The following DPP10 variants were observed in gnomAD, a reference collection of about 807,000 sequenced individuals.
The protein encoded by DPP10 is dipeptidyl peptidase like 10.
In DPP10, 33 loss-of-function variants were observed where a neutral mutation model predicts 120.9. The observed-to-expected ratio is 0.27, with a 90% CI of 0.21 to 0.37. The LOEUF (loss-of-function observed/expected upper bound fraction) is 0.37. Among genes scored for constraint, DPP10 ranks in the 10% least tolerant of loss-of-function variants. DPP10 has a pLI of 1.00. For synonymous variants in DPP10, 337 were observed against 326.1 expected (o/e 1.03, Z -0.36); for missense variants, 816 against 942.8 (o/e 0.87, Z 1.76).
At chr2:115,154,326 A>G (rs1453130790) in intron 1 of DPP10, among the ~76,000 whole-genome samples, 1 of 152,200 alleles carries the variant, frequency 6.6e-6, no homozygotes, top group Non-Finnish European at 1.5e-5. Flanking sequence ...GTACTTCATA[A>G]CACGTAGTAC....
At chr2:114,852,810 T>C (rs926064531) in intron 1 of DPP10, among the ~76,000 whole-genome samples, 5 of 152,166 alleles carry the variant, frequency 3.3e-5, no homozygotes, top group Admixed American at 3.3e-4. Context: ...CACAGACATA[T>C]TTATTTAATT....
chr2:115,182,768 C>G (rs537888283), intron 1 of DPP10, among the ~76,000 whole-genome samples: 1 of 152,198 alleles, frequency 6.6e-6, no homozygotes, highest in Non-Finnish European at 1.5e-5. Flanking sequence ...AGATACCTCC[C>G]TAACCTGAGT....
intron 1 of DPP10, among the ~76,000 whole-genome samples, chr2:115,240,992 C>T (rs551500572): frequency 2.6e-5 from 4 of 152,172 alleles, no homozygotes; most frequent in South Asian, 4.2e-4. Context: ...TAGTGTTGGT[C>T]GGGCGCAGTG....
chr2:114,764,118 A>G (rs1452500125), intron 1 of DPP10, among the ~76,000 whole-genome samples: 1 of 152,218 alleles, frequency 6.6e-6, no homozygotes, highest in African/African-American at 2.4e-5. Context: ...AATAGTTACT[A>G]GGAAGTCTTC....
At chr2:114,952,131 C>G (rs1326202984) in intron 1 of DPP10, among the ~76,000 whole-genome samples, 1 of 151,824 alleles carries the variant, frequency 6.6e-6, no homozygotes, top group East Asian at 1.9e-4. Flanking sequence ...ATTAAAATCT[C>G]AGAAGATACT....
At chr2:115,155,066 T>A (rs756375315) in intron 1 of DPP10, among the ~76,000 whole-genome samples, 107 of 148,998 alleles carry the variant, frequency 7.2e-4, no homozygotes, top group Middle Eastern at 7.0e-3. Context: ...TAATTTTATT[T>A]ATTTTTTTTT....
At chr2:115,316,328 T>A (rs187432995) in intron 2 of DPP10, among the ~76,000 whole-genome samples, 2,782 of 152,274 alleles carry the variant, frequency 0.018, 29 homozygotes, top group African/African-American at 0.039. Context: ...CCTTGTAATA[T>A]AAGTTAAGAC....
chr2:115,692,219 TTTTAG>T (rs990343239), intron 7 of DPP10, among the ~76,000 whole-genome samples: 2 of 152,120 alleles, frequency 1.3e-5, no homozygotes, highest in East Asian at 1.9e-4. Flanking sequence ...ACAATTTTTT[TTTTAG>T]TTAGTTTTAG....
intron 1 of DPP10, among the ~76,000 whole-genome samples, chr2:115,192,526 G>C (rs1303240257): frequency 6.6e-6 from 1 of 152,216 alleles, no homozygotes; most frequent in African/African-American, 2.4e-5. Flanking sequence ...AAGGGGTTTG[G>C]ATAACATTTC....
intron 1 of DPP10, among the ~76,000 whole-genome samples, chr2:114,882,042 A>T (rs1465268853): frequency 6.6e-6 from 1 of 152,152 alleles, no homozygotes; most frequent in Non-Finnish European, 1.5e-5. Flanking sequence ...TGTTTGTTTT[A>T]AAAAGTGTAT....
chr2:115,791,416 C>A, intron 19 of DPP10, 60 bp downstream of exon 19: 1 of 1,403,150 alleles, frequency 7.1e-7, no homozygotes, highest in South Asian at 1.3e-5. Flanking sequence ...TTTTGTGTCT[C>A]ACATGACAAC....
chr2:114,886,191 T>C (rs1356813173), intron 1 of DPP10, among the ~76,000 whole-genome samples: 1 of 152,180 alleles, frequency 6.6e-6, no homozygotes, highest in Non-Finnish European at 1.5e-5. Context: ...TAAGAAAATA[T>C]GCAGAAAACA....
chr2:114,522,821 G>A (rs1244962045), intron 1 of DPP10, among the ~76,000 whole-genome samples: 2 of 152,160 alleles, frequency 1.3e-5, no homozygotes, highest in Non-Finnish European at 2.9e-5. Context: ...TACATGGATG[G>A]CAGCAGGCAA....
intron 1 of DPP10, among the ~76,000 whole-genome samples, chr2:114,769,706 T>C (rs971812649): frequency 3.3e-5 from 5 of 152,164 alleles, no homozygotes; most frequent in African/African-American, 1.2e-4. Context: ...TAAATACCTA[T>C]GTAAAAGAAC....
chr2:115,664,916 A>T (rs1204482681), intron 5 of DPP10, among the ~76,000 whole-genome samples: 1 of 131,434 alleles, frequency 7.6e-6, no homozygotes, highest in Non-Finnish European at 1.8e-5. Flanking sequence ...AAAATTATAT[A>T]TTCAGTCTGT....
chr2:115,246,884 C>T (rs1182992120), intron 1 of DPP10, among the ~76,000 whole-genome samples: 1 of 152,100 alleles, frequency 6.6e-6, no homozygotes, highest in African/African-American at 2.4e-5. Context: ...AGTCCTTCCT[C>T]CGAACCAGAT....
At chr2:114,530,840 T>C (rs1211507157) in intron 1 of DPP10, among the ~76,000 whole-genome samples, 1 of 152,158 alleles carries the variant, frequency 6.6e-6, no homozygotes, top group African/African-American at 2.4e-5. Context: ...TTTGGATATA[T>C]GGTGACAAAA....
chr2:114,995,730 C>T (rs748315597), intron 1 of DPP10, among the ~76,000 whole-genome samples: 25 of 152,112 alleles, frequency 1.6e-4, no homozygotes, highest in Non-Finnish European at 2.5e-4. Context: ...CATCAGTGTT[C>T]TTGTTTTACT....
At chr2:114,806,924 C>T (rs1019378987) in intron 1 of DPP10, among the ~76,000 whole-genome samples, 6 of 152,132 alleles carry the variant, frequency 3.9e-5, no homozygotes, top group Non-Finnish European at 5.9e-5. Context: ...CTCCTCTCAC[C>T]GTCTGCACAG....
Sources: gnomAD v4.1 joint callset for allele counts (sites outside exome capture counted in the v4.1 genomes callset) on GRCh38, gnomAD v4.1.1 for gene constraint, MANE v1.5 for transcripts, NCBI Gene and HGNC (gene_info 2026-07-23, HGNC 2026-07-21) for gene names.